Variants in MROH9 observed in about 807,000 individuals in gnomAD.
MROH9 encodes maestro heat like repeat family member 9, also known as maestro heat-like repeat-containing protein family member 9.
Under a neutral mutation model 98.2 loss-of-function variants are expected in MROH9, and 92 were observed. The observed-to-expected ratio is 0.94, with a 90% CI of 0.79 to 1.11. MROH9 has a LOEUF of 1.11. MROH9 is among the 50% of genes most tolerant of loss of function. The pLI, the probability that MROH9 is intolerant of heterozygous loss-of-function variation, is 0.00. For missense variants in MROH9, 1,057 were observed against 1,014.8 expected, an observed-to-expected ratio of 1.04 and a Z score of -0.57; for synonymous variants, 397 against 368.9, an observed-to-expected ratio of 1.08 and a Z score of -0.87.
rs893901011 is a variant in MROH9, at chr1:170,952,532, T to C, written c.72+4959T>C. On this transcript the variant is annotated intron_variant, in intron 3 of 21. Coordinates refer to ENST00000367759, the MANE Select transcript of MROH9 (RefSeq NM_001163629.2). The stretch of plus-strand genomic sequence containing the variant: ...ACCAAACACTGCATGTTCTCACTCA[T>C]AGGTGGGAATTGAACAATGAGAACA... 4.2e-5 allele frequency among the ~76,000 whole-genome samples: 6 copies of C among 141,994 alleles called. No homozygotes were observed. In the Admixed American group the frequency reaches 4.7e-4, roughly 11 times the overall value. 93.2% of individuals were successfully genotyped at this position (141,994 alleles called of 152,430 possible). A position where few individuals can be genotyped will look rare whatever the true frequency, so the allele number is the denominator to read the frequency against.
At position 170,992,231 on chromosome 1, in the gene MROH9, A is replaced by G. The variant is rs1429707720; in HGVS notation, c.1096A>G (p.Ile366Val). The part of the protein sequence containing the change: ...ASVAPHVLKT[I>V]LLILKGKPGE... ...CGTGGCCCCTCACGTGCTGAAGACA[A>G]TCTTATTGATACTGAAAGGAAAGCC... Residue 366 changes from isoleucine (I) to valine (V), a missense_variant, in exon 12 of 22, where the codon ATC becomes GTC. Coordinates refer to ENST00000367759, the MANE Select transcript of MROH9 (RefSeq NM_001163629.2). The G allele has an allele frequency of 5.0e-6, 8 of 1,613,564 alleles. No homozygotes were observed. In the Admixed American group the frequency reaches 8.3e-5, roughly 17 times the overall value.
At chr1:170,971,427 G>A (rs1463180403) in intron 7 of MROH9, among the ~76,000 whole-genome samples, 3 of 152,140 alleles carry the variant, frequency 2.0e-5, no homozygotes, top group Non-Finnish European at 2.9e-5. Flanking sequence ...ACCTGCAAGT[G>A]ACTACCCACT....
chr1:171,019,775 G>A (rs1488188852), intron 17 of MROH9, among the ~76,000 whole-genome samples: 2 of 151,752 alleles, frequency 1.3e-5, no homozygotes, highest in Non-Finnish European at 2.9e-5. Flanking sequence ...AATCAGAGCA[G>A]AACTGAAGGA....
intron 8 of MROH9, among the ~76,000 whole-genome samples, chr1:170,975,087 C>G (rs1650627399): frequency 6.6e-6 from 1 of 151,728 alleles, no homozygotes; most frequent in Admixed American, 6.6e-5. Context: ...GCAGATAACA[C>G]AAAATAGGAA....
At chr1:171,037,305 CTT>C (rs1424895893) in intron 20 of MROH9, among the ~76,000 whole-genome samples, 3 of 148,316 alleles carry the variant, frequency 2.0e-5, no homozygotes, top group East Asian at 4.0e-4. Flanking sequence ...GGAAGGAAGA[CTT>C]TTGGAAGAAA....
intron 15 of MROH9, among the ~76,000 whole-genome samples, chr1:171,010,444 A>AT (rs1652111623): frequency 6.6e-6 from 1 of 152,202 alleles, no homozygotes; most frequent in Non-Finnish European, 1.5e-5. Flanking sequence ...TCCTTTGGGT[A>AT]TATACCTAGT....
At chr1:171,057,800 T>C (rs1334120638) in intron 20 of MROH9, among the ~76,000 whole-genome samples, 6 of 152,268 alleles carry the variant, frequency 3.9e-5, no homozygotes, top group Admixed American at 3.3e-4. Flanking sequence ...CAGAACAGAT[T>C]GGGGGCCAAA....
At chr1:170,950,800 T>C (rs1649522098) in intron 3 of MROH9, among the ~76,000 whole-genome samples, 1 of 152,162 alleles carries the variant, frequency 6.6e-6, no homozygotes, top group South Asian at 2.1e-4. Flanking sequence ...TATTTTGATA[T>C]AGTCTATAAT....
In MROH9 at chr1:171,024,486, T is replaced by C. The variant is rs996921373; in HGVS notation, c.2000T>C (p.Val667Ala). ...RQYTWMVNDV[V>A]LEGLVPLILF... ...TACACATGGATGGTGAATGATGTGG[T>C]TCTAGAAGGCTTGGTGCCCCTAATC... Residue 667 changes from valine (V) to alanine (A), a missense_variant, in exon 18 of 22, where the codon GTT becomes GCT. Transcript: ENST00000367759. 9.7e-6 allele frequency: 15 copies of C among 1,548,590 alleles called. No homozygotes were observed. In the African/African-American group the frequency reaches 1.8e-4, roughly 18 times the overall value.
chr1:171,006,970 T>G (rs1651974835), intron 15 of MROH9, among the ~76,000 whole-genome samples: 1 of 150,834 alleles, frequency 6.6e-6, no homozygotes, highest in Non-Finnish European at 1.5e-5. Flanking sequence ...GATCTCCATT[T>G]TTTGTGGTCA....
At chr1:171,027,150 T>G (rs1306880227) in intron 20 of MROH9, among the ~76,000 whole-genome samples, 1 of 152,188 alleles carries the variant, frequency 6.6e-6, no homozygotes, top group Non-Finnish European at 1.5e-5. Flanking sequence ...TAGCTATACA[T>G]GTGCCATGGT....
At chr1:171,015,050 C>T in intron 16 of MROH9, 1 of 471,862 alleles carries the variant, frequency 2.1e-6, no homozygotes, top group Non-Finnish European at 4.4e-6. Flanking sequence ...TGTAATTCTA[C>T]ACTCCAAAGT....
intron 15 of MROH9, among the ~76,000 whole-genome samples, chr1:171,013,018 C>G (rs1352397549): frequency 1.3e-5 from 2 of 152,180 alleles, no homozygotes; most frequent in South Asian, 2.1e-4. Flanking sequence ...CCTCCTCTCT[C>G]TCATCTTTCA....
intron 8 of MROH9, among the ~76,000 whole-genome samples, chr1:170,977,377 G>A (rs1022001678): frequency 6.6e-6 from 1 of 152,198 alleles, no homozygotes; most frequent in African/African-American, 2.4e-5. Flanking sequence ...CTGCAGTGGA[G>A]ATTGAGTATA....
intron 20 of MROH9, among the ~76,000 whole-genome samples, chr1:171,041,365 G>GTGTGTA (rs1252263668): frequency 8.9e-6 from 1 of 112,412 alleles, no homozygotes; most frequent in African/African-American, 3.1e-5. Flanking sequence ...GTGTGTGTGT[G>GTGTGTA]TGTGTGTGTG....
rs1223930210 is a variant in MROH9, at chr1:171,017,437, G to A, written c.1908+1101G>A. Among the ~76,000 whole-genome samples, 4 of 151,770 alleles carry A rather than the reference G, an allele frequency of 2.6e-5. No individual in the cohort carries two copies. In the South Asian group the frequency reaches 6.2e-4, roughly 24 times the overall value. The stretch of plus-strand genomic sequence containing the variant: ...TGTTTTTTCCACGAAAATCCCACTT[G>A]TGAGCCCATGCCATAAGGACCTAGG... On this transcript the variant is annotated intron_variant, in intron 17 of 21. Transcript: ENST00000367759.
At chr1:170,952,762 T>C (rs1464675573) in intron 3 of MROH9, among the ~76,000 whole-genome samples, 1 of 150,372 alleles carries the variant, frequency 6.7e-6, no homozygotes, top group East Asian at 1.9e-4. Flanking sequence ...AAAATATATA[T>C]ATATATATTA....
chr1:170,988,060 T>C (rs1265849001), intron 10 of MROH9, among the ~76,000 whole-genome samples: 1 of 152,240 alleles, frequency 6.6e-6, no homozygotes, highest in Non-Finnish European at 1.5e-5. Context: ...TCTGCTCCAC[T>C]GTCCCATGGG....
At chr1:170,981,766 A>C (rs1418160134) in intron 8 of MROH9, among the ~76,000 whole-genome samples, 1 of 152,114 alleles carries the variant, frequency 6.6e-6, no homozygotes, top group Non-Finnish European at 1.5e-5. Context: ...CTCTCTATGA[A>C]AAAAGACAAC....
Sources: gnomAD v4.1 joint callset for allele counts (sites outside exome capture counted in the v4.1 genomes callset) on GRCh38, gnomAD v4.1.1 for gene constraint, MANE v1.5 for transcripts, NCBI Gene and HGNC (gene_info 2026-07-23, HGNC 2026-07-21) for gene names.